Variants in RALA observed in about 807,000 individuals in gnomAD.
RALA encodes the protein RAS like proto-oncogene A.
Under a neutral mutation model 24.0 loss-of-function variants are expected in RALA, and 5 were observed. The observed-to-expected ratio is 0.21, with a 90% CI of 0.11 to 0.44. RALA has a LOEUF of 0.44. Ranked by LOEUF, RALA falls within the 20% of genes least tolerant of loss-of-function variation. The pLI, the probability that RALA is intolerant of heterozygous loss-of-function variation, is 0.99. For synonymous variants in RALA, 77 were observed against 83.8 expected (o/e 0.92, Z 0.44); for missense variants, 95 against 241.2 (o/e 0.39, Z 4.01).
intron 1 of RALA, among the ~76,000 whole-genome samples, chr7:39,638,101 A>T (rs1324258107): frequency 2.0e-5 from 3 of 152,102 alleles, no homozygotes; most frequent in African/African-American, 7.2e-5. Context: ...TTTAAAAGAC[A>T]GGGTCTTATT....
intron 1 of RALA, among the ~76,000 whole-genome samples, chr7:39,650,801 C>T (rs1792005483): frequency 6.6e-6 from 1 of 152,228 alleles, no homozygotes; most frequent in South Asian, 2.1e-4. Context: ...TCCCATGAGG[C>T]TGCAATCAAA....
At chr7:39,645,164 AT>A (rs902076859) in intron 1 of RALA, among the ~76,000 whole-genome samples, 13 of 151,364 alleles carry the variant, frequency 8.6e-5, no homozygotes, top group East Asian at 5.8e-4. Context: ...CTGAGTACTC[AT>A]TTTTTTTTCC....
intron 2 of RALA, among the ~76,000 whole-genome samples, chr7:39,689,178 G>A (rs989710914): frequency 2.0e-5 from 3 of 152,084 alleles, no homozygotes; most frequent in Non-Finnish European, 2.9e-5. Context: ...ACCATATCAC[G>A]GGGTTTTGCC....
chr7:39,698,841 A>C (rs1311020242), intron 4 of RALA, among the ~76,000 whole-genome samples: 6 of 152,162 alleles, frequency 3.9e-5, no homozygotes, highest in Non-Finnish European at 8.8e-5. Flanking sequence ...AAAATGGCCC[A>C]AAAACAGCAA....
At chr7:39,635,581 C>A (rs1335488898) in intron 1 of RALA, among the ~76,000 whole-genome samples, 1 of 152,148 alleles carries the variant, frequency 6.6e-6, no homozygotes, top group Admixed American at 6.5e-5. Flanking sequence ...CTTATTGGCA[C>A]CAGGGACTGG....
At position 39,672,648 on chromosome 7, in the gene RALA, G is replaced by GT. The variant is rs1439972526; in HGVS notation, c.-37-13982dup. 5.5e-5 allele frequency among the ~76,000 whole-genome samples: 4 copies of GT among 72,662 alleles called. No individual in the cohort carries two copies. In the Admixed American group the frequency reaches 7.5e-4, roughly 14 times the overall value. 47.7% of individuals were successfully genotyped at this position (72,662 alleles called of 152,430 possible). A position where few individuals can be genotyped will look rare whatever the true frequency, so the allele number is the denominator to read the frequency against. ...CCAGACAATGGAATACTATTCAGTC[G>GT]TAAAAAAAAAAAAAAAGATGCATGC... On this transcript the variant is annotated intron_variant, in intron 1 of 4. Transcript: ENST00000005257.
intron 1 of RALA, among the ~76,000 whole-genome samples, chr7:39,644,203 T>G (rs1583711831): frequency 6.9e-6 from 1 of 144,190 alleles, no homozygotes; most frequent in South Asian, 2.1e-4. Flanking sequence ...ATTCCTATGT[T>G]TTTTTTTTTT....
intron 1 of RALA, among the ~76,000 whole-genome samples, chr7:39,674,973 G>A (rs1043765257): frequency 6.6e-6 from 1 of 151,812 alleles, no homozygotes; most frequent in Non-Finnish European, 1.5e-5. Context: ...ACAGGCACAC[G>A]CTACCACACC....
rs115391007 is a variant in RALA, at chr7:39,693,637, C to T, written c.323+3047C>T. 7.5e-3 allele frequency among the ~76,000 whole-genome samples: 1,147 copies of T among 152,266 alleles called. 19 individuals carry two copies. Among genetic ancestry groups the T allele is most frequent in the African/African-American group, 0.027 (1,103 of 41,538 alleles). ...GAAACTGGTTAAGAAAGTCACAGCA[C>T]GCCCTAGAAAAAGATTGTGATTGGC... On this transcript the variant is annotated intron_variant, in intron 3 of 4. Transcript: ENST00000005257.
At chr7:39,664,956 T>C (rs1257693677) in intron 1 of RALA, among the ~76,000 whole-genome samples, 1 of 152,224 alleles carries the variant, frequency 6.6e-6, no homozygotes, top group Non-Finnish European at 1.5e-5. Flanking sequence ...AGGGTTCTTA[T>C]TATTCAAGAC....
At chr7:39,675,744 A>G (rs1318191218) in intron 1 of RALA, among the ~76,000 whole-genome samples, 12 of 132,148 alleles carry the variant, frequency 9.1e-5, no homozygotes, top group Non-Finnish European at 2.1e-4. Flanking sequence ...GAAATTAAAA[A>G]AAAAAAAAAA....
chr7:39,630,744 A>G (rs1214182620), intron 1 of RALA, among the ~76,000 whole-genome samples: 2 of 152,124 alleles, frequency 1.3e-5, no homozygotes, highest in African/African-American at 2.4e-5. Flanking sequence ...AGTTGCCCCA[A>G]TGACATTTAT....
chr7:39,625,652 G>A (rs1791473072), intron 1 of RALA, among the ~76,000 whole-genome samples: 1 of 152,156 alleles, frequency 6.6e-6, no homozygotes, highest in Non-Finnish European at 1.5e-5. Context: ...CAATAATATG[G>A]ATCATTTATT....
intron 1 of RALA, among the ~76,000 whole-genome samples, chr7:39,676,837 C>A (rs933204322): frequency 1.3e-5 from 2 of 152,108 alleles, no homozygotes; most frequent in East Asian, 3.8e-4. Context: ...GATTGGAGAT[C>A]TGTGGTCCGA....
rs964985019 is a variant in RALA at position 39,680,557 on chromosome 7, CAG to C, written c.-37-6071_-37-6070del. On this transcript the variant is annotated intron_variant, in intron 1 of 4. Coordinates refer to ENST00000005257, the MANE Select transcript of RALA (RefSeq NM_005402.4). ...CGCTACTGCACTGTAGCCTGGGTGA[CAG>C]AGCGAGACTGTCTCAAAAAAAAAAA... Among the ~76,000 whole-genome samples the C allele has an allele frequency of 3.4e-5, 5 of 148,698 alleles. No homozygotes were observed. The East Asian group carries it at 5.9e-4, about 18-fold the overall frequency.
intron 1 of RALA, among the ~76,000 whole-genome samples, chr7:39,646,989 C>G (rs573216221): frequency 6.6e-6 from 1 of 151,954 alleles, no homozygotes; most frequent in African/African-American, 2.4e-5. Context: ...GGCACTAAAC[C>G]ATTGTTTAGT....
chr7:39,673,533 G>T (rs571913863), intron 1 of RALA, among the ~76,000 whole-genome samples: 2 of 151,994 alleles, frequency 1.3e-5, no homozygotes, highest in African/African-American at 4.8e-5. Context: ...GTTGTAAATT[G>T]GGTCTTTCAT....
At chr7:39,676,311 C>T (rs1318739238) in intron 1 of RALA, among the ~76,000 whole-genome samples, 1 of 152,108 alleles carries the variant, frequency 6.6e-6, no homozygotes, top group East Asian at 1.9e-4. Context: ...AGATCAGAGG[C>T]AAGGGAAATG....
chr7:39,680,243 C>T (rs954489904), intron 1 of RALA, among the ~76,000 whole-genome samples: 2 of 151,836 alleles, frequency 1.3e-5, no homozygotes, highest in African/African-American at 2.4e-5. Flanking sequence ...GTGGCATGCA[C>T]CTGTAGTCCC....
Sources: allele counts gnomAD v4.1 joint callset (sites outside exome capture counted in the v4.1 genomes callset), GRCh38; gene constraint gnomAD v4.1.1; transcripts MANE v1.5; gene names NCBI Gene and HGNC (gene_info 2026-07-23, HGNC 2026-07-21).